The following DPP10 variants were observed in gnomAD, a reference collection of about 807,000 sequenced individuals.
The protein encoded by DPP10 is dipeptidyl peptidase like 10.
In DPP10, 33 loss-of-function variants were observed where a neutral mutation model predicts 120.9. The observed-to-expected ratio is 0.27, with a 90% CI of 0.21 to 0.37. The LOEUF (loss-of-function observed/expected upper bound fraction) is 0.37. Ranked by LOEUF, DPP10 falls within the 10% of genes least tolerant of loss-of-function variation. The probability of loss-of-function intolerance (pLI) is 1.00; values close to 1 mark genes in which losing one functional copy is unlikely to be tolerated. For missense variants in DPP10, 816 were observed against 942.8 expected, an observed-to-expected ratio of 0.87 and a Z score of 1.76; for synonymous variants, 337 against 326.1, an observed-to-expected ratio of 1.03 and a Z score of -0.36.
Position 114,682,866 on chromosome 2 carries a change from A to G in DPP10, c.60+240028A>G, listed in dbSNP as rs2105720184. Among the ~76,000 whole-genome samples, 5 of 151,760 alleles carry G rather than the reference A, an allele frequency of 3.3e-5. No individual in the cohort carries two copies. The South Asian group carries it at 1.0e-3, about 32-fold the overall frequency. ...TTTAATATCTCCAATTACTTGCAGAAATTCATGGAGTGCTGACGTGCTGAG... is the reference window on the plus strand; with the variant it reads ...TTTAATATCTCCAATTACTTGCAGAGATTCATGGAGTGCTGACGTGCTGAG... On this transcript the variant is annotated intron_variant, in intron 1 of 25. Coordinates refer to ENST00000410059, the MANE Select transcript of DPP10 (RefSeq NM_020868.6).
chr2:114,497,900 A>G (rs1028379819), intron 1 of DPP10, among the ~76,000 whole-genome samples: 1 of 152,198 alleles, frequency 6.6e-6, no homozygotes, highest in African/African-American at 2.4e-5. Flanking sequence ...CTTTGATTCT[A>G]GGGAGATGCT....
chr2:114,644,177 CG>C, intron 1 of DPP10, among the ~76,000 whole-genome samples: 1 of 149,436 alleles, frequency 6.7e-6, no homozygotes, highest in East Asian at 2.0e-4. Context: ...CTCCTGACTT[CG>C]TGAACTGCCT....
At chr2:115,014,091 G>A (rs971227682) in intron 1 of DPP10, among the ~76,000 whole-genome samples, 1 of 152,120 alleles carries the variant, frequency 6.6e-6, no homozygotes, top group Non-Finnish European at 1.5e-5. Flanking sequence ...CACATAATTG[G>A]AAGTAAAACA....
intron 1 of DPP10, chr2:115,161,843 CCTT>C: frequency 9.2e-7 from 1 of 1,085,746 alleles, no homozygotes; most frequent in Non-Finnish European, 1.2e-6. Flanking sequence ...CCACCCCGTC[CCTT>C]CCGCCGATTC....
At chr2:115,686,568 G>A (rs981752562) in intron 5 of DPP10, among the ~76,000 whole-genome samples, 2 of 151,992 alleles carry the variant, frequency 1.3e-5, no homozygotes, top group African/African-American at 4.8e-5. Context: ...ACCACTTGTA[G>A]TAGTCAACTC....
chr2:115,169,320 C>A (rs573346579), intron 1 of DPP10, among the ~76,000 whole-genome samples: 1 of 152,242 alleles, frequency 6.6e-6, no homozygotes, highest in African/African-American at 2.4e-5. Flanking sequence ...TTAATGCTAT[C>A]GTGCTTCTAG....
chr2:115,640,013 A>G (rs914928131), intron 5 of DPP10, among the ~76,000 whole-genome samples: 1 of 151,554 alleles, frequency 6.6e-6, no homozygotes, highest in Non-Finnish European at 1.5e-5. Flanking sequence ...TGGCAAATAA[A>G]TTATTCATGT....
chr2:115,316,778 G>C (rs79549266), intron 2 of DPP10, among the ~76,000 whole-genome samples: 2,792 of 152,122 alleles, frequency 0.018, 31 homozygotes, highest in African/African-American at 0.039. Flanking sequence ...TGTATGATTA[G>C]ATAGTCTGGT....
intron 3 of DPP10, among the ~76,000 whole-genome samples, chr2:115,476,367 T>A (rs1327335210): frequency 6.6e-6 from 1 of 152,164 alleles, no homozygotes; most frequent in Non-Finnish European, 1.5e-5. Flanking sequence ...GTAAGCTTCC[T>A]GAGGCCTCTC....
intron 1 of DPP10, among the ~76,000 whole-genome samples, chr2:114,749,380 A>T (rs1279615075): frequency 6.6e-6 from 1 of 152,068 alleles, no homozygotes; most frequent in Non-Finnish European, 1.5e-5. Context: ...TAAAGACTCA[A>T]CTTCCAGAAC....
At chr2:115,841,325 C>G (rs1488960108) in intron 25 of DPP10, among the ~76,000 whole-genome samples, 1 of 152,022 alleles carries the variant, frequency 6.6e-6, no homozygotes, top group Non-Finnish European at 1.5e-5. Context: ...TTTGCACTAC[C>G]ATTTATGTCT....
intron 7 of DPP10, among the ~76,000 whole-genome samples, chr2:115,697,652 A>C (rs2091664359): frequency 6.6e-6 from 1 of 152,088 alleles, no homozygotes; most frequent in Non-Finnish European, 1.5e-5. Context: ...AATGGCTAGA[A>C]AAACCAGAGA....
chr2:115,765,544 A>C (rs1680605411), intron 12 of DPP10, among the ~76,000 whole-genome samples: 1 of 152,170 alleles, frequency 6.6e-6, no homozygotes, highest in African/African-American at 2.4e-5. Context: ...AGTGCATTGG[A>C]AGCCATGATA....
intron 5 of DPP10, among the ~76,000 whole-genome samples, chr2:115,662,546 A>G (rs1460465387): frequency 6.6e-6 from 1 of 152,128 alleles, no homozygotes; most frequent in Non-Finnish European, 1.5e-5. Flanking sequence ...AGCTAAAATG[A>G]ACTAATCATC....
At chr2:115,395,291 CTCT>C (rs2067602526) in intron 3 of DPP10, among the ~76,000 whole-genome samples, 1 of 152,156 alleles carries the variant, frequency 6.6e-6, no homozygotes, top group South Asian at 2.1e-4. Context: ...TATAAATTTC[CTCT>C]TCTTATAAGG....
At chr2:114,674,479 A>G (rs1288370982) in intron 1 of DPP10, among the ~76,000 whole-genome samples, 4 of 152,152 alleles carry the variant, frequency 2.6e-5, no homozygotes, top group African/African-American at 9.7e-5. Context: ...TGAATTCTCA[A>G]AACGAAGGAA....
In DPP10 at chr2:114,655,885, G is replaced by A. The variant is rs373265380; in HGVS notation, c.60+213047G>A. Among the ~76,000 whole-genome samples the A allele has an allele frequency of 1.6e-4, 25 of 152,162 alleles. 1 individual carries two copies. Among genetic ancestry groups the A allele is most frequent in the Admixed American group, 4.6e-4 (7 of 15,274 alleles). ...CAATTCCATTATTTTTGATTCTGCC[G>A]AGAGTGGGACCTAATTCTGTCAAAG... On this transcript the variant is annotated intron_variant, in intron 1 of 25. Coordinates refer to ENST00000410059, the MANE Select transcript of DPP10 (RefSeq NM_020868.6).
At chr2:114,929,984 AG>A (rs1695948987) in intron 1 of DPP10, among the ~76,000 whole-genome samples, 1 of 152,188 alleles carries the variant, frequency 6.6e-6, no homozygotes, top group Non-Finnish European at 1.5e-5. Flanking sequence ...CCCTCCGTTC[AG>A]GGTCCCTGAC....
At chr2:115,140,411 G>C (rs982459187) in intron 1 of DPP10, among the ~76,000 whole-genome samples, 1 of 152,198 alleles carries the variant, frequency 6.6e-6, no homozygotes, top group African/African-American at 2.4e-5. Flanking sequence ...ATGGCTCAGA[G>C]CTGGTGATAA....
Sources: gnomAD v4.1 joint callset for allele counts (sites outside exome capture counted in the v4.1 genomes callset) on GRCh38, gnomAD v4.1.1 for gene constraint, MANE v1.5 for transcripts, NCBI Gene and HGNC (gene_info 2026-07-23, HGNC 2026-07-21) for gene names.